GPR158: variants seen among roughly 807,000 people sequenced by gnomAD.
GPR158 encodes G protein-coupled receptor 158.
In GPR158, 30 loss-of-function variants were observed where a neutral mutation model predicts 78.2. That is an observed-to-expected ratio of 0.38 (90% CI 0.29 to 0.52). GPR158 has a LOEUF of 0.52. GPR158 is among the 20% of genes least tolerant of loss of function. GPR158 has a pLI of 0.83. For synonymous variants in GPR158, 581 were observed against 591.1 expected (o/e 0.98, Z 0.25); for missense variants, 1,463 against 1,523.5 (o/e 0.96, Z 0.66).
chr10:25,177,453 A>T (rs1306376463), intron 1 of GPR158, among the ~76,000 whole-genome samples: 2 of 152,198 alleles, frequency 1.3e-5, no homozygotes, highest in Admixed American at 1.3e-4. Flanking sequence ...GGCAGGACTG[A>T]GAAACCTTTG....
intron 7 of GPR158, among the ~76,000 whole-genome samples, chr10:25,581,006 G>T (rs1323736805): frequency 1.4e-5 from 2 of 146,306 alleles, no homozygotes; most frequent in Non-Finnish European, 3.0e-5. Context: ...CTCACTGCAA[G>T]CTCCGCTTCC....
chr10:25,400,971 A>G (rs187462514), intron 3 of GPR158, among the ~76,000 whole-genome samples: 95 of 152,322 alleles, frequency 6.2e-4, no homozygotes, highest in Non-Finnish European at 1.2e-3. Flanking sequence ...TGGAAGAAAA[A>G]GAAGGGAAGC....
At chr10:25,205,861 T>C (rs1479847131) in intron 1 of GPR158, among the ~76,000 whole-genome samples, 1 of 152,118 alleles carries the variant, frequency 6.6e-6, no homozygotes, top group African/African-American at 2.4e-5. Flanking sequence ...ATTCTTTAGA[T>C]GATTTTAGAT....
At chr10:25,192,878 A>G (rs925164164) in intron 1 of GPR158, among the ~76,000 whole-genome samples, 2 of 152,222 alleles carry the variant, frequency 1.3e-5, no homozygotes, top group African/African-American at 4.8e-5. Context: ...CAATCACATA[A>G]GATATTCAAC....
chr10:25,484,385 A>G (rs1047331073), intron 5 of GPR158, among the ~76,000 whole-genome samples: 3 of 152,232 alleles, frequency 2.0e-5, no homozygotes, highest in Admixed American at 1.3e-4. Flanking sequence ...CAAAAATTGT[A>G]ACATTAAAAT....
intron 9 of GPR158, 87 bp from the exon 10 acceptor site, chr10:25,596,556 T>C (rs112421415): frequency 3.4e-6 from 3 of 870,846 alleles, no homozygotes; most frequent in Admixed American, 4.3e-5. Flanking sequence ...TAGATACCTA[T>C]ATAGATATAG....
chr10:25,420,337 G>C (rs1773667), intron 4 of GPR158, among the ~76,000 whole-genome samples: 6 of 151,562 alleles, frequency 4.0e-5, no homozygotes. Context: ...TTTTTTTGTA[G>C]AGATGGAGTC....
At chr10:25,339,254 T>C (rs1183391146) in intron 2 of GPR158, among the ~76,000 whole-genome samples, 1 of 152,060 alleles carries the variant, frequency 6.6e-6, no homozygotes, top group East Asian at 1.9e-4. Flanking sequence ...CCCAAAGTGC[T>C]AGAATTACAG....
intron 1 of GPR158, among the ~76,000 whole-genome samples, chr10:25,193,704 T>G (rs1041701165): frequency 6.6e-6 from 1 of 152,208 alleles, no homozygotes; most frequent in Non-Finnish European, 1.5e-5. Flanking sequence ...TTAGTTTTAC[T>G]TTGTCTCTTT....
chr10:25,323,347 TGCATTAGATCCTA>T (rs1854982777), intron 2 of GPR158, among the ~76,000 whole-genome samples: 1 of 152,142 alleles, frequency 6.6e-6, no homozygotes, highest in South Asian at 2.1e-4. Flanking sequence ...AGTCACCAGC[TGCATTAGATCCTA>T]GCAAGAGACT....
At chr10:25,240,563 G>T (rs2130705732) in intron 2 of GPR158, among the ~76,000 whole-genome samples, 1 of 152,216 alleles carries the variant, frequency 6.6e-6, no homozygotes, top group Admixed American at 6.5e-5. Flanking sequence ...AGAATAGGAA[G>T]AATTTTGATT....
At chr10:25,241,409 C>CTCTTTTCTTTTCTTT (rs1206670364) in intron 2 of GPR158, among the ~76,000 whole-genome samples, 1 of 108,102 alleles carries the variant, frequency 9.3e-6, no homozygotes, top group East Asian at 2.3e-4. Flanking sequence ...CTCTTCTCTT[C>CTCTTTTCTTTTCTTT]TCTTTTCTTT....
At chr10:25,364,954 G>T (rs1395966059) in intron 2 of GPR158, among the ~76,000 whole-genome samples, 1 of 151,766 alleles carries the variant, frequency 6.6e-6, no homozygotes, top group South Asian at 2.1e-4. Context: ...CATTTAGAAG[G>T]GCTTGCTTTA....
rs867959837 is a variant in GPR158 at position 25,427,604 on chromosome 10, A to G, written c.1335+15131A>G. Among the ~76,000 whole-genome samples the G allele has an allele frequency of 3.3e-5, 5 of 152,180 alleles. No homozygotes were observed. The Middle Eastern group carries it at 0.014, about 414-fold the overall frequency. ...AATTTGTATAATTTACATAATTTCA[A>G]TTTTGGAATGAGAGTGGACTGGCAC... On this transcript the variant is annotated intron_variant, in intron 4 of 10. Coordinates refer to ENST00000376351, the MANE Select transcript of GPR158 (RefSeq NM_020752.3).
chr10:25,286,076 TAAC>T (rs1045809586), intron 2 of GPR158, among the ~76,000 whole-genome samples: 2 of 152,208 alleles, frequency 1.3e-5, no homozygotes, highest in Admixed American at 6.5e-5. Context: ...TATTTTTAGT[TAAC>T]AACTGTTTGA....
At chr10:25,285,763 C>T (rs1854342374) in intron 2 of GPR158, among the ~76,000 whole-genome samples, 1 of 152,146 alleles carries the variant, frequency 6.6e-6, no homozygotes, top group South Asian at 2.1e-4. Context: ...TATGAGGTTT[C>T]TAGGTATTCC....
At chr10:25,357,726 G>A (rs112295023) in intron 2 of GPR158, among the ~76,000 whole-genome samples, 1,665 of 152,182 alleles carry the variant, frequency 0.011, 8 homozygotes, top group Non-Finnish European at 0.016. Context: ...CTACAGGGGC[G>A]GGGACTTCAA....
At chr10:25,586,821 C>A (rs1178885541) in intron 7 of GPR158, among the ~76,000 whole-genome samples, 3 of 152,080 alleles carry the variant, frequency 2.0e-5, no homozygotes, top group Non-Finnish European at 4.4e-5. Context: ...GAAAAATGAA[C>A]CTGTTACTGT....
chr10:25,572,193 C>T (rs942145128), intron 6 of GPR158, among the ~76,000 whole-genome samples: 7 of 152,120 alleles, frequency 4.6e-5, no homozygotes, highest in Non-Finnish European at 1.0e-4. Flanking sequence ...TATTAAGACA[C>T]GCTCAAAGAC....
Sources: gnomAD v4.1 joint callset for allele counts (sites outside exome capture counted in the v4.1 genomes callset) on GRCh38, gnomAD v4.1.1 for gene constraint, MANE v1.5 for transcripts, NCBI Gene and HGNC (gene_info 2026-07-23, HGNC 2026-07-21) for gene names.